PCDH15: variants seen among roughly 807,000 people sequenced by gnomAD.
PCDH15 encodes the protein protocadherin-15.
In PCDH15, 129 loss-of-function variants were observed where a neutral mutation model predicts 178.5. The observed-to-expected ratio is 0.72, with a 90% confidence interval of 0.63 to 0.84. PCDH15 has a LOEUF of 0.84. Ranked by LOEUF, PCDH15 falls within the 40% of genes least tolerant of loss-of-function variation. PCDH15 has a pLI of 0.00. For synonymous variants in PCDH15, 800 were observed against 732.0 expected, an observed-to-expected ratio of 1.09 and a Z score of -1.50; for missense variants, 2,230 against 2,099.9, an observed-to-expected ratio of 1.06 and a Z score of -1.21.
intron 2 of PCDH15, among the ~76,000 whole-genome samples, chr10:54,649,771 T>C (rs1412881288): frequency 3.3e-5 from 5 of 152,122 alleles, no homozygotes; most frequent in Non-Finnish European, 7.4e-5. Context: ...GTGGGGTGGG[T>C]AATATCTCCT....
At chr10:54,450,361 A>G (rs933249638) in intron 3 of PCDH15, among the ~76,000 whole-genome samples, 6 of 151,390 alleles carry the variant, frequency 4.0e-5, no homozygotes, top group Non-Finnish European at 7.4e-5. Context: ...GAATCAGGAC[A>G]TGGTTTCATA....
At chr10:55,486,495 T>A (rs891558562) in intron 2 of PCDH15, among the ~76,000 whole-genome samples, 37 of 151,542 alleles carry the variant, frequency 2.4e-4, no homozygotes, top group Non-Finnish European at 5.9e-5. Flanking sequence ...AATATGTAGG[T>A]TAGTTTTATA....
chr10:54,448,573 GTTGGAAAC>G (rs2076279334), intron 3 of PCDH15, among the ~76,000 whole-genome samples: 1 of 151,468 alleles, frequency 6.6e-6, no homozygotes, highest in African/African-American at 2.4e-5. Flanking sequence ...TAAGGCTCTT[GTTGGAAAC>G]CATAATCAGA....
rs547345760 is a variant in PCDH15, at chr10:55,393,096, C to T, written c.-155-226445G>A. Among the ~76,000 whole-genome samples, 10 of 151,840 alleles carry T rather than the reference C, an allele frequency of 6.6e-5. No individual in the cohort carries two copies. In the South Asian group the frequency reaches 2.1e-3, roughly 32 times the overall value. ...ATGAGTTCAGAGATCATCTTGAATA[C>T]TGTTCTTAGCATGATCATCATGTTA... On this transcript the variant is annotated intron_variant, in intron 2 of 5. Coordinates refer to the PCDH15 transcript ENST00000613346.
intron 31 of PCDH15, among the ~76,000 whole-genome samples, chr10:53,828,207 CAAAAAAAAAAAAA>C (rs71004480): frequency 7.4e-5 from 4 of 53,774 alleles, no homozygotes; most frequent in East Asian, 4.4e-4. Context: ...AAGTCCGTCT[CAAAAAAAAAAAAA>C]AAAAAAAAAA....
chr10:54,415,989 G>T (rs1261790503), intron 3 of PCDH15, among the ~76,000 whole-genome samples: 2 of 151,728 alleles, frequency 1.3e-5, no homozygotes, highest in Non-Finnish European at 2.9e-5. Flanking sequence ...TTAAAGACAG[G>T]TTCTCACTTG....
In PCDH15 at chr10:54,425,008, T is replaced by TAA. The variant is rs777958846; in HGVS notation, c.158-46068_158-46067dup. Among the ~76,000 whole-genome samples the TAA allele has an allele frequency of 4.8e-4, 52 of 107,690 alleles. 1 individual carries two copies. Among genetic ancestry groups the TAA allele is most frequent in the African/African-American group, 1.4e-3 (45 of 32,900 alleles). The allele number at this position is 107,690 out of a possible 152,430, so 70.6% of individuals were successfully genotyped here. On this transcript the variant is annotated intron_variant, in intron 3 of 37. Coordinates refer to ENST00000644397, the MANE Select transcript of PCDH15 (RefSeq NM_001384140.1). ...ATGTACCCTAGAACTTAAAGTATAATAAAAAAAAAAAAAAAAGAAAAGAAA... is the reference window on the plus strand; with the variant it reads ...ATGTACCCTAGAACTTAAAGTATAATAAAAAAAAAAAAAAAAAAGAAAAGAAA...
intron 2 of PCDH15, among the ~76,000 whole-genome samples, chr10:54,902,509 C>A (rs1006460247): frequency 6.6e-6 from 1 of 152,140 alleles, no homozygotes; most frequent in African/African-American, 2.4e-5. Context: ...CTTCCCCTTG[C>A]CATTCTGCCA....
intron 3 of PCDH15, among the ~76,000 whole-genome samples, chr10:54,501,706 A>T (rs116072206): frequency 0.023 from 3,498 of 152,212 alleles, 121 homozygotes; most frequent in African/African-American, 0.08. Context: ...TTATTTAAAG[A>T]TATCCAATGC....
chr10:55,590,111 C>A (rs1213119737), intron 2 of PCDH15, among the ~76,000 whole-genome samples: 2 of 151,244 alleles, frequency 1.3e-5, no homozygotes, highest in Admixed American at 6.6e-5. Flanking sequence ...GGCACATATA[C>A]ACCATGGAAT....
intron 2 of PCDH15, among the ~76,000 whole-genome samples, chr10:54,602,679 G>C (rs1287185953): frequency 6.6e-6 from 1 of 151,900 alleles, no homozygotes; most frequent in Non-Finnish European, 1.5e-5. Flanking sequence ...ATTAGAAATA[G>C]GTATTAAATT....
intron 2 of PCDH15, among the ~76,000 whole-genome samples, chr10:55,501,782 G>A (rs749120740): frequency 1.1e-4 from 17 of 151,686 alleles, no homozygotes; most frequent in Middle Eastern, 3.4e-3. Context: ...AAGCACCTGT[G>A]AATTGCATGG....
intron 2 of PCDH15, among the ~76,000 whole-genome samples, chr10:55,396,147 C>T (rs148726694): frequency 2.1e-3 from 314 of 152,184 alleles, no homozygotes; most frequent in East Asian, 0.014. Flanking sequence ...TTCTGAAAAG[C>T]TGTTTTCTTT....
chr10:55,167,151 T>C (rs576223269), intron 1 of PCDH15, among the ~76,000 whole-genome samples: 53 of 152,202 alleles, frequency 3.5e-4, no homozygotes, highest in Non-Finnish European at 6.2e-4. Context: ...TCTTGCCCTG[T>C]TGCCCAGATT....
chr10:55,598,559 T>G (rs928825640), intron 2 of PCDH15, among the ~76,000 whole-genome samples: 2 of 101,926 alleles, frequency 2.0e-5, no homozygotes, highest in Admixed American at 1.0e-4. Flanking sequence ...TATATATATA[T>G]ATATATATAG....
At chr10:55,229,821 T>C (rs991278665) in intron 1 of PCDH15, among the ~76,000 whole-genome samples, 1 of 152,066 alleles carries the variant, frequency 6.6e-6, no homozygotes, top group Non-Finnish European at 1.5e-5. Flanking sequence ...GCGGGGGTTC[T>C]AGTTTGAGCA....
intron 1 of PCDH15, among the ~76,000 whole-genome samples, chr10:54,680,701 G>A (rs537119365): frequency 3.8e-4 from 58 of 152,182 alleles, no homozygotes; most frequent in African/African-American, 1.4e-3. Context: ...TCTATAAATG[G>A]GAGTTCCCCT....
At chr10:54,281,164 C>A (rs1027751788) in intron 8 of PCDH15, among the ~76,000 whole-genome samples, 2 of 151,814 alleles carry the variant, frequency 1.3e-5, no homozygotes, top group African/African-American at 2.4e-5. Context: ...TAGAAAAATT[C>A]TCAGCCCACT....
chr10:55,433,409 T>C (rs1383575233), intron 2 of PCDH15, among the ~76,000 whole-genome samples: 1 of 152,092 alleles, frequency 6.6e-6, no homozygotes, highest in Admixed American at 6.6e-5. Context: ...ACAGCGACCA[T>C]GGCCCACTTA....
Sources: gnomAD v4.1 joint callset for allele counts (sites outside exome capture counted in the v4.1 genomes callset) on GRCh38, gnomAD v4.1.1 for gene constraint, MANE v1.5 for transcripts, NCBI Gene and HGNC (gene_info 2026-07-23, HGNC 2026-07-21) for gene names.